The following POLR3A variants were observed in gnomAD, a reference collection of about 807,000 sequenced individuals.
The protein encoded by POLR3A is RNA polymerase III subunit A, also known as DNA-directed RNA polymerase III subunit RPC1.
Under a neutral mutation model 152.8 loss-of-function variants are expected in POLR3A, and 112 were observed. The ratio of observed to expected loss-of-function variants is 0.73; its 90% CI spans 0.63 to 0.86. The LOEUF is 0.86. Among genes scored for constraint, POLR3A ranks in the 40% least tolerant of loss-of-function variants. POLR3A has a pLI of 0.00. For synonymous variants in POLR3A, 615 were observed against 652.1 expected, an observed-to-expected ratio of 0.94 and a Z score of 0.87; for missense variants, 1,385 against 1,743.1, an observed-to-expected ratio of 0.79 and a Z score of 3.66.
chr10:77,991,947 A>C (rs774609987), intron 20 of POLR3A, among the ~76,000 whole-genome samples: 9 of 152,200 alleles, frequency 5.9e-5, no homozygotes, highest in Non-Finnish European at 1.3e-4. Flanking sequence ...GTTTGCCTTT[A>C]CTGTAAGCAG....
chr10:77,977,654 G>T (rs1365169782), intron 30 of POLR3A, 28 bp from the exon 31 acceptor site: 1 of 1,600,906 alleles, frequency 6.2e-7, no homozygotes, highest in South Asian at 1.1e-5. Context: ...GAACATCAGA[G>T]AGCCTCTAAA....
chr10:77,987,315 C>T (rs544308873), intron 21 of POLR3A, among the ~76,000 whole-genome samples: 1 of 152,244 alleles, frequency 6.6e-6, no homozygotes, highest in African/African-American at 2.4e-5. Context: ...GATAGACTGC[C>T]CCTCCTTTGT....
At chr10:78,020,529 C>G (rs1260431522) in intron 8 of POLR3A, among the ~76,000 whole-genome samples, 1 of 151,704 alleles carries the variant, frequency 6.6e-6, no homozygotes, top group Non-Finnish European at 1.5e-5. Flanking sequence ...TGGCTCATAC[C>G]TGTAATCCCA....
At chr10:78,023,294 C>G (rs543455767) in intron 5 of POLR3A, among the ~76,000 whole-genome samples, 3 of 151,396 alleles carry the variant, frequency 2.0e-5, no homozygotes, top group Admixed American at 6.6e-5. Context: ...AACCCTGTCT[C>G]TACAAAAGTA....
intron 15 of POLR3A, among the ~76,000 whole-genome samples, chr10:78,006,395 C>CAAAAAAAAAA (rs36050560): frequency 5.5e-4 from 12 of 21,944 alleles, no homozygotes; most frequent in East Asian, 3.0e-3. Flanking sequence ...GACTCTGTCT[C>CAAAAAAAAAA]AAAAAAAAAA....
chr10:78,021,116 C>T lies in POLR3A; in HGVS notation c.1185+430G>A, dbSNP rs540777237. Among the ~76,000 whole-genome samples, 633 of 152,230 alleles carry T rather than the reference C, an allele frequency of 4.2e-3. 6 individuals carry two copies. The highest frequency in any genetic ancestry group is 0.014 in the African/African-American group (564 of 41,518). ...AGTAGCTGGGACCACAGGCGCCTGC[C>T]ACCACTCCTGGCTAATTTTTTGTAT... is the stretch of plus-strand genomic sequence containing the variant. On this transcript the variant is annotated intron_variant, in intron 8 of 30. Transcript: ENST00000372371.
chr10:78,000,485 C>T (rs1297121096), intron 18 of POLR3A, among the ~76,000 whole-genome samples: 2 of 152,212 alleles, frequency 1.3e-5, no homozygotes, highest in Non-Finnish European at 2.9e-5. Context: ...AGATATCCTT[C>T]CTGTGGGCCA....
At chr10:77,982,509 G>A (rs1445554497) in intron 27 of POLR3A, 144 bp downstream of exon 27, 15 of 892,868 alleles carry the variant, frequency 1.7e-5, no homozygotes, top group African/African-American at 5.0e-5. Flanking sequence ...AGAACAGAGA[G>A]GAATCTAACA....
chr10:78,024,953 T>C lies in POLR3A; in HGVS notation c.490+18A>G. 1 of 1,613,456 alleles carries C rather than the reference T, an allele frequency of 6.2e-7. No homozygotes were observed. Among genetic ancestry groups the C allele is most frequent in the African/African-American group, 1.3e-5 (1 of 75,020 alleles). On this transcript the variant is annotated intron_variant, in intron 4 of 30. Coordinates refer to ENST00000372371, the MANE Select transcript of POLR3A (RefSeq NM_007055.4). ...AGTGAAAAGGGCTATTGCTTAGCCT[T>C]CTGTGCATTCCACTCACCATTAAAA...
rs776762645 is a variant in POLR3A, at chr10:77,980,248, A to G, written c.3917T>C (p.Phe1306Ser). 6.2e-7 allele frequency: 1 copy of G among 1,614,104 alleles called. No individual in the cohort carries two copies. The highest frequency in any genetic ancestry group is 8.5e-7 in the Non-Finnish European group (1 of 1,179,990). The change falls in exon 30 of 31, where the codon TTT (phenylalanine) becomes TCT (serine). Residue 1306 changes from phenylalanine (F) to serine (S), a missense_variant. This residue lies in a region of POLR3A where 332 missense variants were observed against 400.1 expected (regional missense o/e 0.83). Transcript: ENST00000372371. ...YKGEVLGITR[F>S]GLAKMKESVL... ...ACTCTCCTTCATCTTGGCCAGGCCA[A>G]ACCTAGTGATGCCCAGGACTTCACC... is the stretch of plus-strand genomic sequence containing the variant.
Position 77,980,213 on chromosome 10 carries a change from G to A in POLR3A, c.3952C>T (p.Leu1318=). 1 of 1,613,474 alleles carries A rather than the reference G, an allele frequency of 6.2e-7. No homozygotes were observed. The highest frequency in any genetic ancestry group is 8.5e-7 in the Non-Finnish European group (1 of 1,179,440). Residue 1318 remains leucine, a synonymous_variant, in exon 30 of 31, where the codon CTG becomes TTG. Coordinates refer to ENST00000372371, the MANE Select transcript of POLR3A (RefSeq NM_007055.4). The stretch of plus-strand genomic sequence containing the variant: ...TCAGCCGTCTTCTCAAAGGAGGCCA[G>A]CATCAGCACACTCTCCTTCATCTTG... ...LAKMKESVLM[L]ASFEKTADHL... is the part of the protein sequence containing the mutation.
intron 19 of POLR3A, among the ~76,000 whole-genome samples, chr10:77,998,821 A>AAAAG (rs1288311203): frequency 4.9e-4 from 74 of 152,368 alleles, no homozygotes; most frequent in Non-Finnish European, 1.5e-4. Flanking sequence ...AAAGGATTAT[A>AAAAG]AATCATGCTG....
chr10:77,991,262 C>T, intron 20 of POLR3A, 95 bp from the exon 21 acceptor site: 2 of 754,158 alleles, frequency 2.7e-6, no homozygotes, highest in Non-Finnish European at 4.8e-6. Context: ...ATGACCTTAC[C>T]CAAGGTGAGC....
In POLR3A at chr10:78,022,029, C is replaced by T; in HGVS notation, c.886-7G>A. ...TGGCTCCTGAGATCCGATGCTAAAA[C>T]CAGCACAGCCCAAACAGAAACAAAC... On this transcript the variant is annotated splice_polypyrimidine_tract_variant and splice_region_variant and intron_variant, in intron 6 of 30. Coordinates refer to ENST00000372371, the MANE Select transcript of POLR3A (RefSeq NM_007055.4). The T allele has an allele frequency of 6.2e-7, 1 of 1,614,194 alleles. No individual in the cohort carries two copies. Among genetic ancestry groups the T allele is most frequent in the Non-Finnish European group, 8.5e-7 (1 of 1,180,032 alleles).
chr10:77,995,504 G>T (rs1274828658), intron 19 of POLR3A, among the ~76,000 whole-genome samples: 2 of 151,924 alleles, frequency 1.3e-5, no homozygotes, highest in Non-Finnish European at 2.9e-5. Flanking sequence ...AGGCAGGGGT[G>T]GCAATCCTAG....
intron 17 of POLR3A, among the ~76,000 whole-genome samples, chr10:78,001,802 A>C (rs569652389): frequency 4.0e-3 from 582 of 146,104 alleles, no homozygotes; most frequent in Admixed American, 6.2e-3. Flanking sequence ...CGCCCAGCTA[A>C]TTTTTTTTTT....
Position 77,994,777 on chromosome 10 carries a change from T to C in POLR3A, c.2617-1410A>G, listed in dbSNP as rs539925101. On this transcript the variant is annotated intron_variant, in intron 19 of 30. Coordinates refer to ENST00000372371, the MANE Select transcript of POLR3A (RefSeq NM_007055.4). ...GGAGAACTTCCCCAATCTAGCAAGGTGGGCCAACATTCAAATTCAGGAAAT... is the reference window on the plus strand; with the variant it reads ...GGAGAACTTCCCCAATCTAGCAAGGCGGGCCAACATTCAAATTCAGGAAAT... 5.6e-3 allele frequency among the ~76,000 whole-genome samples: 846 copies of C among 152,168 alleles called. 9 individuals carry two copies. The highest frequency in any genetic ancestry group is 0.019 in the African/African-American group (772 of 41,522).
intron 21 of POLR3A, among the ~76,000 whole-genome samples, chr10:77,986,497 C>T (rs560775397): frequency 6.6e-6 from 1 of 152,318 alleles, no homozygotes; most frequent in African/African-American, 2.4e-5. Context: ...TATAAGAACA[C>T]AGCTCAAGAC....
chr10:77,993,679 C>G (rs1186812042), intron 19 of POLR3A, among the ~76,000 whole-genome samples: 1 of 152,204 alleles, frequency 6.6e-6, no homozygotes, highest in Non-Finnish European at 1.5e-5. Flanking sequence ...GTTTTACCTT[C>G]CTTCTCTTTC....
Sources: allele counts gnomAD v4.1 joint callset (sites outside exome capture counted in the v4.1 genomes callset), GRCh38; gene constraint gnomAD v4.1.1; regional missense constraint gnomAD v4.1.1; transcripts MANE v1.5; gene names NCBI Gene and HGNC (gene_info 2026-07-23, HGNC 2026-07-21).